The following GLIS3 variants were observed in gnomAD, a reference collection of about 807,000 sequenced individuals.
GLIS3 encodes the protein zinc finger protein GLIS3.
In GLIS3, 53 loss-of-function variants were observed where a neutral mutation model predicts 78.6. The observed-to-expected ratio is 0.67, with a 90% CI of 0.54 to 0.85. The LOEUF (loss-of-function observed/expected upper bound fraction) is 0.85, where lower values mean the gene tolerates loss of function less well. Among genes scored for constraint, GLIS3 ranks in the 40% least tolerant of loss-of-function variants. The pLI is 0.00. For missense variants in GLIS3, 1,703 were observed against 1,231.1 expected, an observed-to-expected ratio of 1.38 and a Z score of -5.74; for synonymous variants, 684 against 509.9, an observed-to-expected ratio of 1.34 and a Z score of -4.60.
the GLIS3 span, among the ~76,000 whole-genome samples, chr9:4,424,307 G>C: frequency 6.6e-6 from 1 of 152,202 alleles, no homozygotes; most frequent in Non-Finnish European, 1.5e-5. Flanking sequence ...ATGGGCGTCT[G>C]TTTCCCTATC....
the GLIS3 span, among the ~76,000 whole-genome samples, chr9:4,394,016 G>A: frequency 6.6e-6 from 1 of 151,950 alleles, no homozygotes; most frequent in African/African-American, 2.4e-5. Flanking sequence ...AGCCAGTAGA[G>A]GGTAGAATTT....
the GLIS3 span, among the ~76,000 whole-genome samples, chr9:4,450,695 G>A: frequency 3.3e-5 from 5 of 152,226 alleles, no homozygotes; most frequent in East Asian, 1.9e-4. Context: ...GCCAATATTC[G>A]ACATTCTTAA....
chr9:4,014,548 A>C (rs912874243), intron 4 of GLIS3, among the ~76,000 whole-genome samples: 8 of 152,204 alleles, frequency 5.3e-5, no homozygotes, highest in African/African-American at 1.9e-4. Context: ...ATGTAGCTAC[A>C]AGCCAAGAAA....
At chr9:4,100,559 C>A (rs1830293369) in intron 4 of GLIS3, among the ~76,000 whole-genome samples, 2 of 152,170 alleles carry the variant, frequency 1.3e-5, no homozygotes, top group African/African-American at 4.8e-5. Flanking sequence ...GACAAAATTA[C>A]ATAATCTTAA....
At chr9:4,058,006 T>C (rs1482632726) in intron 4 of GLIS3, among the ~76,000 whole-genome samples, 3 of 152,198 alleles carry the variant, frequency 2.0e-5, no homozygotes, top group African/African-American at 7.2e-5. Context: ...AAACATTTTC[T>C]TCCAGCACAC....
intron 2 of GLIS3, among the ~76,000 whole-genome samples, chr9:4,139,900 C>A (rs1032421295): frequency 4.6e-5 from 7 of 152,308 alleles, no homozygotes; most frequent in Admixed American, 4.6e-4. Flanking sequence ...TCCTAACAGG[C>A]CACTGACCCA....
At chr9:4,086,312 C>A (rs1829016920) in intron 4 of GLIS3, among the ~76,000 whole-genome samples, 1 of 152,198 alleles carries the variant, frequency 6.6e-6, no homozygotes, top group Non-Finnish European at 1.5e-5. Context: ...CACCCTGGGG[C>A]AATGAGTCAT....
At chr9:4,441,761 C>G in the GLIS3 span, among the ~76,000 whole-genome samples, 1 of 152,144 alleles carries the variant, frequency 6.6e-6, no homozygotes, top group Non-Finnish European at 1.5e-5. Context: ...TGCTCACCAT[C>G]AAACCCAGCT....
intron 2 of GLIS3, among the ~76,000 whole-genome samples, chr9:4,331,128 A>G (rs1817678627): frequency 1.2e-5 from 1 of 84,050 alleles, no homozygotes; most frequent in South Asian, 5.1e-4. Flanking sequence ...ACAGTTCTAG[A>G]AGCTGTAAGT....
upstream of GLIS3, among the ~76,000 whole-genome samples, chr9:4,300,361 A>G (rs868397003): frequency 8.0e-5 from 10 of 125,326 alleles, no homozygotes; most frequent in Middle Eastern, 3.8e-3. Context: ...AAAAAGTGTT[A>G]GTGTTTAGAC....
At chr9:3,917,416 C>T (rs566639223) in intron 6 of GLIS3, among the ~76,000 whole-genome samples, 1 of 152,306 alleles carries the variant, frequency 6.6e-6, no homozygotes, top group African/African-American at 2.4e-5. Flanking sequence ...TGAATTGTTC[C>T]TCTAAAAACC....
intron 2 of GLIS3, among the ~76,000 whole-genome samples, chr9:4,329,583 T>G (rs1817653336): frequency 6.6e-6 from 1 of 152,102 alleles, no homozygotes; most frequent in Admixed American, 6.6e-5. Flanking sequence ...CTACACACTG[T>G]GCCAAGTACA....
At chr9:3,957,501 T>C (rs1298164475) in intron 4 of GLIS3, among the ~76,000 whole-genome samples, 1 of 152,210 alleles carries the variant, frequency 6.6e-6, no homozygotes, top group African/African-American at 2.4e-5. Context: ...ATTGCAGACT[T>C]GTCAACCAAG....
chr9:4,208,776 A>G (rs990344535), intron 2 of GLIS3, among the ~76,000 whole-genome samples: 3 of 152,212 alleles, frequency 2.0e-5, no homozygotes, highest in Admixed American at 1.3e-4. Flanking sequence ...GCCACCCTCT[A>G]AATGCCTGGA....
the GLIS3 span, among the ~76,000 whole-genome samples, chr9:4,374,020 C>T: frequency 4.6e-5 from 7 of 152,152 alleles, no homozygotes; most frequent in East Asian, 1.9e-4. Flanking sequence ...TACATGGGCA[C>T]CTTTTTAACA....
the GLIS3 span, among the ~76,000 whole-genome samples, chr9:4,482,583 A>T: frequency 0.26 from 38,893 of 152,092 alleles, 5,245 homozygotes; most frequent in East Asian, 0.51. Context: ...GCAATCAACC[A>T]TAAATGTTTT....
At chr9:4,173,542 G>T (rs543832328) in intron 2 of GLIS3, among the ~76,000 whole-genome samples, 552 of 146,892 alleles carry the variant, frequency 3.8e-3, no homozygotes, top group Non-Finnish European at 5.7e-3. Flanking sequence ...TATATAATAT[G>T]TATATGTGTG....
chr9:4,026,412 T>C (rs1426289702), intron 4 of GLIS3, among the ~76,000 whole-genome samples: 1 of 152,254 alleles, frequency 6.6e-6, no homozygotes, highest in African/African-American at 2.4e-5. Context: ...ATGAGTTTCA[T>C]TAACATGCAC....
At chr9:3,860,387 G>T (rs1820124803) in intron 8 of GLIS3, among the ~76,000 whole-genome samples, 1 of 151,048 alleles carries the variant, frequency 6.6e-6, no homozygotes, top group East Asian at 2.0e-4. Context: ...TTATTTGGGG[G>T]TATTTACTTG....
Sources: gnomAD v4.1 joint callset for allele counts (sites outside exome capture counted in the v4.1 genomes callset) on GRCh38, gnomAD v4.1.1 for gene constraint, MANE v1.5 for transcripts, NCBI Gene and HGNC (gene_info 2026-07-23, HGNC 2026-07-21) for gene names.